PTK2: variants seen among roughly 807,000 people sequenced by gnomAD.
PTK2 encodes protein tyrosine kinase 2.
PTK2 carries 45 observed loss-of-function variants against 150.1 expected under a neutral mutation model. That is an observed-to-expected ratio of 0.30 (90% CI 0.24 to 0.38). PTK2 has a LOEUF of 0.38. PTK2 is among the 10% of genes least tolerant of loss of function. The pLI is 1.00. For synonymous variants in PTK2, 432 were observed against 449.2 expected (o/e 0.96, Z 0.48); for missense variants, 919 against 1,307.3 (o/e 0.70, Z 4.58).
At chr8:140,877,386 C>T (rs1272477012) in intron 4 of PTK2, among the ~76,000 whole-genome samples, 16 of 152,114 alleles carry the variant, frequency 1.1e-4, no homozygotes. Flanking sequence ...TTTAAGACAA[C>T]ATTATTCCCA....
At chr8:140,659,715 A>G in intron 31 of PTK2, 37 bp from the exon 36 acceptor site, 4 of 1,501,806 alleles carry the variant, frequency 2.7e-6, no homozygotes, top group Non-Finnish European at 3.6e-6. Context: ...AACTGTTTTC[A>G]GTGATTTTTT....
intron 6 of PTK2, 98 bp from the exon 7 acceptor site, chr8:140,846,420 A>C: frequency 7.7e-7 from 1 of 1,299,148 alleles, no homozygotes. Flanking sequence ...ATAATAAACA[A>C]AAATTAACAG....
At chr8:140,891,561 G>T (rs956889295) in intron 2 of PTK2, among the ~76,000 whole-genome samples, 3 of 152,174 alleles carry the variant, frequency 2.0e-5, no homozygotes, top group African/African-American at 4.8e-5. Flanking sequence ...TTCCCACAGG[G>T]CATTTGCCAA....
At chr8:140,772,793 T>C (rs568497020) in intron 14 of PTK2, among the ~76,000 whole-genome samples, 26 of 152,252 alleles carry the variant, frequency 1.7e-4, no homozygotes, top group African/African-American at 5.8e-4. Flanking sequence ...GGAAAGAACA[T>C]ATGAGACATC....
chr8:140,979,940 T>G (rs1311568894), intron 1 of PTK2, among the ~76,000 whole-genome samples: 1 of 152,194 alleles, frequency 6.6e-6, no homozygotes, highest in Non-Finnish European at 1.5e-5. Flanking sequence ...TATGTCTTTA[T>G]CAGTAGCGTG....
chr8:140,676,611 GGC>G lies in PTK2; in HGVS notation c.2563-1114_2563-1113del, dbSNP rs762208818. On this transcript the variant is annotated intron_variant, in intron 27 of 31. Transcript: ENST00000522684. ...TCGAAGAGTTGCCGCGGTCGGTGGG[GGC>G]GGGGGGAACAGCGTTAAGACATTAC... Among the ~76,000 whole-genome samples the G allele has an allele frequency of 4.4e-3, 629 of 144,302 alleles. 7 individuals are homozygous for G. Among genetic ancestry groups the G allele is most frequent in the Non-Finnish European group, 7.7e-3 (502 of 65,326 alleles). The allele number at this position is 144,302 out of a possible 152,430, so 94.7% of individuals were successfully genotyped here.
At chr8:140,954,261 T>C (rs2100180484) in intron 1 of PTK2, among the ~76,000 whole-genome samples, 1 of 152,300 alleles carries the variant, frequency 6.6e-6, no homozygotes, top group East Asian at 1.9e-4. Flanking sequence ...ATTACAGGCA[T>C]GAGCCACCGC....
rs187266503 is a variant in PTK2 at position 140,672,155 on chromosome 8, T to C, written c.2709+2143A>G. ...AAGCCATTTTGAAAGTCTGTTCTTT[T>C]GGCTTATGAAAATAAATAATTCATT... On this transcript the variant is annotated intron_variant, in intron 29 of 31. Transcript: ENST00000522684. 506 of 454,542 alleles carry C rather than the reference T, an allele frequency of 1.1e-3. 5 individuals carry two copies. The highest frequency in any genetic ancestry group is 1.3e-3 in the Non-Finnish European group (293 of 226,314). 28.2% of individuals were successfully genotyped at this position (454,542 alleles called of 1,614,324 possible). A position where few individuals can be genotyped will look rare whatever the true frequency, so the allele number is the denominator to read the frequency against.
chr8:140,930,110 T>A (rs994815220), intron 1 of PTK2, among the ~76,000 whole-genome samples: 8 of 152,198 alleles, frequency 5.3e-5, no homozygotes, highest in Non-Finnish European at 2.9e-5. Context: ...TTTAAGGCAG[T>A]TTGAGGCTTA....
intron 4 of PTK2, among the ~76,000 whole-genome samples, chr8:140,867,791 CTA>C (rs773427095): frequency 1.3e-5 from 2 of 152,194 alleles, no homozygotes; most frequent in Non-Finnish European, 2.9e-5. Context: ...ACACTACAGT[CTA>C]GCATATTTCA....
At chr8:140,721,499 A>G (rs1005514586) in intron 22 of PTK2, among the ~76,000 whole-genome samples, 1 of 152,200 alleles carries the variant, frequency 6.6e-6, no homozygotes, top group Non-Finnish European at 1.5e-5. Flanking sequence ...AACTTTCTAG[A>G]TCATAAAACA....
intron 18 of PTK2, 43 bp from the exon 22 acceptor site, chr8:140,744,810 T>G: frequency 9.3e-7 from 1 of 1,072,352 alleles, no homozygotes. Context: ...AAAAAAGAAT[T>G]AGTGGCAGTG....
intron 24 of PTK2, among the ~76,000 whole-genome samples, chr8:140,703,185 C>A (rs1301353346): frequency 1.3e-5 from 2 of 152,002 alleles, no homozygotes; most frequent in East Asian, 3.9e-4. Context: ...GGAGAATGAA[C>A]CCGGGAGGCG....
At chr8:140,799,731 G>C (rs754187601) in intron 12 of PTK2, among the ~76,000 whole-genome samples, 7 of 152,164 alleles carry the variant, frequency 4.6e-5, no homozygotes, top group Non-Finnish European at 1.0e-4. Context: ...GACAGTTACT[G>C]TTCTTCGTGT....
chr8:140,691,040 A>G (rs2100022873), intron 26 of PTK2, among the ~76,000 whole-genome samples: 1 of 152,248 alleles, frequency 6.6e-6, no homozygotes, highest in Non-Finnish European at 1.5e-5. Flanking sequence ...CACAAGAGTT[A>G]AAATAAATAG....
At chr8:140,986,745 G>C (rs1247413549) in intron 1 of PTK2, among the ~76,000 whole-genome samples, 2 of 152,196 alleles carry the variant, frequency 1.3e-5, no homozygotes, top group Non-Finnish European at 1.5e-5. Context: ...CTCAAGCCTT[G>C]AATTCGGTTT....
At chr8:140,927,958 GAAA>G (rs57931737) in intron 1 of PTK2, among the ~76,000 whole-genome samples, 8,225 of 63,828 alleles carry the variant, frequency 0.13, 339 homozygotes, top group South Asian at 0.21. Context: ...AAAAAAAAAA[GAAA>G]AAAAAAAAAA....
At chr8:140,888,752 T>C (rs967359012) in intron 3 of PTK2, among the ~76,000 whole-genome samples, 10 of 142,688 alleles carry the variant, frequency 7.0e-5, no homozygotes, top group Non-Finnish European at 1.4e-4. Flanking sequence ...AGTCTTCTGA[T>C]GTAAGTCTTG....
intron 2 of PTK2, among the ~76,000 whole-genome samples, chr8:140,907,105 C>A (rs140207458): frequency 6.6e-6 from 1 of 152,124 alleles, no homozygotes; most frequent in African/African-American, 2.4e-5. Context: ...ATGAAGAGGA[C>A]GCAATCGGAT....
Sources: gnomAD v4.1 joint callset for allele counts (sites outside exome capture counted in the v4.1 genomes callset) on GRCh38, gnomAD v4.1.1 for gene constraint, MANE v1.5 for transcripts, NCBI Gene and HGNC (gene_info 2026-07-23, HGNC 2026-07-21) for gene names.